Variants in RAD18 observed in about 807,000 individuals in gnomAD.
RAD18 encodes the protein E3 ubiquitin-protein ligase RAD18.
In RAD18, 47 loss-of-function variants were observed where a neutral mutation model predicts 60.4. That is an observed-to-expected ratio of 0.78 (90% CI 0.62 to 0.99). RAD18 has a LOEUF of 0.99. RAD18 is among the 50% of genes least tolerant of loss of function. RAD18 has a pLI of 0.00. For missense variants in RAD18, 640 were observed against 593.3 expected, an observed-to-expected ratio of 1.08 and a Z score of -0.82; for synonymous variants, 225 against 195.5, an observed-to-expected ratio of 1.15 and a Z score of -1.26.
chr3:8,881,422 T>A lies in RAD18; in HGVS notation c.1423A>T (p.Asn475Tyr), dbSNP rs1939460346. ...LQDTEISPRQNRRTRAAESAE... is the reference protein window; with the variant it reads ...LQDTEISPRQYRRTRAAESAE... ...CTTTCAGCGGCTCTTGTGCGGCGATTCTGTCTTGGACTTATTTCTGTGTCT... is the reference window on the plus strand; with the variant it reads ...CTTTCAGCGGCTCTTGTGCGGCGATACTGTCTTGGACTTATTTCTGTGTCT... Residue 475 changes from asparagine to tyrosine, a missense_variant, in exon 13 of 13, where the codon AAT becomes TAT. Asn to Tyr is a moderately radical substitution (Grantham distance 143, BLOSUM62 -2). Coordinates refer to ENST00000264926, the MANE Select transcript of RAD18 (RefSeq NM_020165.4). 1 of 1,612,926 alleles carries A rather than the reference T, an allele frequency of 6.2e-7. No individual in the cohort carries two copies. The highest frequency in any genetic ancestry group is 1.3e-5 in the African/African-American group (1 of 75,030).
At chr3:8,937,237 G>A (rs995617091) in intron 6 of RAD18, among the ~76,000 whole-genome samples, 7 of 152,088 alleles carry the variant, frequency 4.6e-5, no homozygotes, top group African/African-American at 1.2e-4. Context: ...GATTCATTAC[G>A]TCTGTATCTA....
At chr3:8,927,355 A>G (rs1443894060) in intron 7 of RAD18, among the ~76,000 whole-genome samples, 1 of 152,190 alleles carries the variant, frequency 6.6e-6, no homozygotes, top group Non-Finnish European at 1.5e-5. Flanking sequence ...CAAAACCACA[A>G]TGAGATACCA....
chr3:8,907,390 CA>C (rs1940028042), intron 9 of RAD18, among the ~76,000 whole-genome samples: 1 of 152,098 alleles, frequency 6.6e-6, no homozygotes, highest in African/African-American at 2.4e-5. Context: ...AGATATGACC[CA>C]CATAAACAAA....
In RAD18 at chr3:8,879,299, GAGGTAACTGA is replaced by G. The variant is rs1939416573; in HGVS notation, c.*2048_*2057del. The stretch of plus-strand genomic sequence containing the variant: ...GAGATAGGGCCCTCTATCTAAAAAA[GAGGTAACTGA>G]AGTAAAATGAGGCCATACGCATGGG... On this transcript the variant is annotated 3_prime_UTR_variant, in exon 13 of 13. Transcript: ENST00000264926. The G allele has an allele frequency of 1.3e-5, 2 of 152,290 alleles. No individual in the cohort carries two copies. Among genetic ancestry groups the G allele is most frequent in the South Asian group, 4.1e-4 (2 of 4,820 alleles). 9.4% of individuals were successfully genotyped at this position (152,290 alleles called of 1,614,324 possible).
intron 1 of RAD18, among the ~76,000 whole-genome samples, chr3:8,959,570 C>T (rs1159138791): frequency 6.6e-6 from 1 of 152,146 alleles, no homozygotes; most frequent in Admixed American, 6.5e-5. Context: ...CGGCATGGTA[C>T]TACACATGCA....
chr3:8,913,151 G>A (rs1940131950), intron 8 of RAD18, among the ~76,000 whole-genome samples: 1 of 152,134 alleles, frequency 6.6e-6, no homozygotes, highest in Non-Finnish European at 1.5e-5. Context: ...CAAGCTAGTG[G>A]AAGGCAACAG....
intron 2 of RAD18, among the ~76,000 whole-genome samples, chr3:8,951,057 T>C (rs1424304061): frequency 1.3e-5 from 2 of 152,110 alleles, no homozygotes; most frequent in Non-Finnish European, 2.9e-5. Flanking sequence ...ATAATGGGAA[T>C]ACCAGAAAGG....
chr3:8,945,468 C>CTTTTTTTTTT (rs375744764), intron 4 of RAD18, among the ~76,000 whole-genome samples: 27 of 96,414 alleles, frequency 2.8e-4, no homozygotes, highest in South Asian at 4.3e-4. Context: ...TTTCCATCTT[C>CTTTTTTTTTT]TTTTTTTTTT....
Position 8,912,364 on chromosome 3 carries a change from A to C in RAD18, c.975T>G (p.Val325=). ...CCTTTTCTGTTTGGTCCTTTGTAAA[A>C]ACCATTACCTAAAATAATCAAAAAA... ...EASKLNESVM[V]FTKDQTEKEI... Residue 325 remains valine, a synonymous_variant, in exon 9 of 13, where the codon GTT becomes GTG. Coordinates refer to ENST00000264926, the MANE Select transcript of RAD18 (RefSeq NM_020165.4). 1 of 1,560,542 alleles carries C rather than the reference A, an allele frequency of 6.4e-7. No individual in the cohort carries two copies. Among genetic ancestry groups the C allele is most frequent in the Non-Finnish European group, 8.7e-7 (1 of 1,153,880 alleles).
chr3:8,899,899 A>G (rs1305595448), intron 10 of RAD18, among the ~76,000 whole-genome samples: 1 of 152,198 alleles, frequency 6.6e-6, no homozygotes, highest in Non-Finnish European at 1.5e-5. Context: ...GTGTTTCCTC[A>G]CAGAGAAACA....
intron 2 of RAD18, among the ~76,000 whole-genome samples, chr3:8,953,310 A>G (rs9875134): frequency 0.053 from 8,061 of 151,784 alleles, 708 homozygotes; most frequent in African/African-American, 0.18. Flanking sequence ...GGTCACATGT[A>G]CCTTTTAAAT....
chr3:8,949,146 T>G (rs1940887898), intron 2 of RAD18, among the ~76,000 whole-genome samples: 1 of 152,150 alleles, frequency 6.6e-6, no homozygotes, highest in African/African-American at 2.4e-5. Flanking sequence ...TCCTAACAAT[T>G]TAAGCAGGAA....
intron 7 of RAD18, among the ~76,000 whole-genome samples, chr3:8,914,904 C>T (rs1008994183): frequency 5.3e-5 from 8 of 151,964 alleles, no homozygotes; most frequent in Admixed American, 2.0e-4. Flanking sequence ...TTTGAGAGGC[C>T]GAAGCGGGTG....
At chr3:8,887,852 G>C (rs1939597275) in intron 12 of RAD18, among the ~76,000 whole-genome samples, 1 of 152,138 alleles carries the variant, frequency 6.6e-6, no homozygotes, top group Non-Finnish European at 1.5e-5. Flanking sequence ...ATAAGGAGAG[G>C]CTGGTCAATT....
intron 7 of RAD18, among the ~76,000 whole-genome samples, chr3:8,921,040 A>T (rs500938): frequency 2.0e-5 from 3 of 152,018 alleles, no homozygotes; most frequent in Admixed American, 6.5e-5. Context: ...GGACATATTT[A>T]GGGGTAAAGG....
Position 8,935,841 on chromosome 3 carries a change from T to C in RAD18, c.889+30A>G, listed in dbSNP as rs777801025. 7 of 1,483,258 alleles carry C rather than the reference T, an allele frequency of 4.7e-6. No individual in the cohort carries two copies. In the South Asian group the frequency reaches 8.2e-5, roughly 17 times the overall value. The allele number at this position is 1,483,258 out of a possible 1,614,324, so 91.9% of individuals were successfully genotyped here. A position where few individuals can be genotyped will look rare whatever the true frequency, so the allele number is the denominator to read the frequency against. ...ACACAAAATTGCTTTATCCAGAAAG[T>C]AAGCATAACTCACTGTTTTATTACT... On this transcript the variant is annotated intron_variant, in intron 7 of 12. Coordinates refer to ENST00000264926, the MANE Select transcript of RAD18 (RefSeq NM_020165.4).
At chr3:8,960,681 T>C (rs987432510) in intron 1 of RAD18, among the ~76,000 whole-genome samples, 8 of 152,194 alleles carry the variant, frequency 5.3e-5, no homozygotes, top group African/African-American at 1.9e-4. Context: ...AGCATCAGTA[T>C]CCCAATTTTA....
intron 3 of RAD18, among the ~76,000 whole-genome samples, chr3:8,947,720 A>G (rs942726666): frequency 6.6e-6 from 1 of 152,258 alleles, no homozygotes; most frequent in Non-Finnish European, 1.5e-5. Context: ...AATGCAAGAG[A>G]AAAGTGACAA....
chr3:8,962,434 A>G (rs1318186194), intron 1 of RAD18, among the ~76,000 whole-genome samples: 1 of 152,246 alleles, frequency 6.6e-6, no homozygotes, highest in Non-Finnish European at 1.5e-5. Context: ...AGCAGGAAGA[A>G]CAAGGCCTTC....
Sources: gnomAD v4.1 joint callset for allele counts (sites outside exome capture counted in the v4.1 genomes callset) on GRCh38, gnomAD v4.1.1 for gene constraint, MANE v1.5 for transcripts, NCBI Gene and HGNC (gene_info 2026-07-23, HGNC 2026-07-21) for gene names.